CDH20: variants seen among roughly 807,000 people sequenced by gnomAD.
The protein encoded by CDH20 is cadherin-20.
Under a neutral mutation model 74.2 loss-of-function variants are expected in CDH20, and 29 were observed. That is an observed-to-expected ratio of 0.39 (90% confidence interval 0.29 to 0.53). CDH20 has a LOEUF of 0.53. CDH20 is among the 20% of genes least tolerant of loss of function. The pLI, the probability that CDH20 is intolerant of heterozygous loss-of-function variation, is 0.69. For missense variants in CDH20, 988 were observed against 1,048.3 expected (o/e 0.94, Z 0.79); for synonymous variants, 469 against 405.4 (o/e 1.16, Z -1.88).
chr18:61,376,487 C>G (rs1193594194), intron 1 of CDH20, among the ~76,000 whole-genome samples: 1 of 152,060 alleles, frequency 6.6e-6, no homozygotes, highest in Non-Finnish European at 1.5e-5. Context: ...CTTTTGAAAA[C>G]TGAAGTTTTC....
intron 1 of CDH20, among the ~76,000 whole-genome samples, chr18:61,357,077 C>T (rs537997463): frequency 5.1e-4 from 78 of 152,198 alleles, no homozygotes; most frequent in Non-Finnish European, 9.6e-4. Context: ...GGGACAACAA[C>T]TGTCTCTTGC....
intron 1 of CDH20, among the ~76,000 whole-genome samples, chr18:61,335,613 C>A (rs2144077397): frequency 6.6e-6 from 1 of 152,346 alleles, no homozygotes; most frequent in African/African-American, 2.4e-5. Context: ...TTGGCGTGAC[C>A]TTTCTTTTCA....
chr18:61,540,452 C>A (rs1354546253), intron 9 of CDH20, among the ~76,000 whole-genome samples: 3 of 152,096 alleles, frequency 2.0e-5, no homozygotes, highest in Admixed American at 2.0e-4. Flanking sequence ...GCTGGGGAGG[C>A]CTCACAATCA....
Position 61,494,450 on chromosome 18 carries a change from A to C in CDH20, c.246+3651A>C, listed in dbSNP as rs140340898. Among the ~76,000 whole-genome samples, 609 of 152,306 alleles carry C rather than the reference A, an allele frequency of 4.0e-3. 4 individuals carry two copies. Among genetic ancestry groups the C allele is most frequent in the Non-Finnish European group, 5.8e-3 (397 of 68,020 alleles). On this transcript the variant is annotated intron_variant, in intron 2 of 11. Transcript: ENST00000262717. ...TCAACAGTCATCTGATCCAATCCTC[A>C]TACCAGCAACCAAGCGAAGATTTTT...
At chr18:61,468,777 G>A (rs1456861262) in intron 1 of CDH20, among the ~76,000 whole-genome samples, 1 of 152,236 alleles carries the variant, frequency 6.6e-6, no homozygotes, top group Non-Finnish European at 1.5e-5. Flanking sequence ...ACTATGGATT[G>A]TGGGTGATGC....
intron 1 of CDH20, among the ~76,000 whole-genome samples, chr18:61,386,880 A>G (rs1911618337): frequency 6.6e-6 from 1 of 152,210 alleles, no homozygotes; most frequent in Admixed American, 6.5e-5. Flanking sequence ...ATTGAAAGTA[A>G]AATATATGAA....
At chr18:61,502,024 AG>A (rs1911401728) in intron 4 of CDH20, among the ~76,000 whole-genome samples, 1 of 152,210 alleles carries the variant, frequency 6.6e-6, no homozygotes, top group African/African-American at 2.4e-5. Context: ...TATACATTAT[AG>A]GGGTAAACTG....
chr18:61,475,607 A>C (rs1010997052), intron 1 of CDH20, among the ~76,000 whole-genome samples: 1 of 152,180 alleles, frequency 6.6e-6, no homozygotes, highest in African/African-American at 2.4e-5. Context: ...GAAAAATCTC[A>C]ATGCTTAGTG....
At chr18:61,369,072 G>A (rs1056639697) in intron 1 of CDH20, among the ~76,000 whole-genome samples, 2 of 151,994 alleles carry the variant, frequency 1.3e-5, no homozygotes, top group Non-Finnish European at 2.9e-5. Context: ...TGGGATTTGG[G>A]TTCAAACAAA....
intron 1 of CDH20, among the ~76,000 whole-genome samples, chr18:61,358,131 T>TC: frequency 6.6e-6 from 1 of 151,424 alleles, no homozygotes; most frequent in East Asian, 1.9e-4. Flanking sequence ...TTTTTTTTTT[T>TC]CGAGATGGAG....
intron 1 of CDH20, among the ~76,000 whole-genome samples, chr18:61,396,297 C>A (rs1355124814): frequency 6.6e-6 from 1 of 152,128 alleles, no homozygotes; most frequent in African/African-American, 2.4e-5. Flanking sequence ...CCATAAAAAT[C>A]ATTTTCCAAA....
In CDH20 at chr18:61,555,382, G is replaced by C. The variant is rs3737404; in HGVS notation, c.*687G>C. On this transcript the variant is annotated 3_prime_UTR_variant, in exon 12 of 12. Coordinates refer to ENST00000262717, the MANE Select transcript of CDH20 (RefSeq NM_031891.4). ...ATTACAGCTCATCCAACGCCATCAAGTTAGAGTGCTCGTGTCTCCTCTCAG... is the reference window on the plus strand; with the variant it reads ...ATTACAGCTCATCCAACGCCATCAACTTAGAGTGCTCGTGTCTCCTCTCAG... The C allele has an allele frequency of 0.09, 88,715 of 985,304 alleles. 5,438 individuals carry two copies. Among genetic ancestry groups the C allele is most frequent in the East Asian group, 0.51 (4,508 of 8,772 alleles). The allele number at this position is 985,304 out of a possible 1,614,324, so 61.0% of individuals were successfully genotyped here. A position where few individuals can be genotyped will look rare whatever the true frequency, so the allele number is the denominator to read the frequency against.
chr18:61,553,133 A>G (rs1328642015), intron 11 of CDH20, among the ~76,000 whole-genome samples: 1 of 152,162 alleles, frequency 6.6e-6, no homozygotes, highest in African/African-American at 2.4e-5. Flanking sequence ...CATTGTTGTG[A>G]GTTTTATTAG....
chr18:61,503,060 A>T lies in CDH20; in HGVS notation c.769A>T (p.Thr257Ser). ...MGGQLGGLAG[T>S]TTVNITLSDV... ...AGGGCAGCTTGGAGGATTAGCTGGG[A>T]CCACAACAGTCAACATCACCCTCTC... Residue 257 changes from threonine (T) to serine (S), a missense_variant, in exon 5 of 12, where the codon ACC becomes TCC. By Grantham distance (58) the Thr-to-Ser change is moderately conservative. Coordinates refer to ENST00000262717, the MANE Select transcript of CDH20 (RefSeq NM_031891.4). 1.2e-6 allele frequency: 2 copies of T among 1,614,004 alleles called. No homozygotes were observed. The highest frequency in any genetic ancestry group is 3.3e-4 in the Middle Eastern group (2 of 6,060).
chr18:61,477,686 T>C (rs1241790095), intron 1 of CDH20, among the ~76,000 whole-genome samples: 3 of 152,146 alleles, frequency 2.0e-5, no homozygotes, highest in Non-Finnish European at 4.4e-5. Flanking sequence ...ATATATATTA[T>C]AATTAGCTCC....
At chr18:61,538,627 T>G (rs1912913612) in intron 8 of CDH20, among the ~76,000 whole-genome samples, 1 of 107,918 alleles carries the variant, frequency 9.3e-6, no homozygotes, top group African/African-American at 3.2e-5. Context: ...TTTGTTTTGT[T>G]TTTTTTTTTG....
intron 1 of CDH20, among the ~76,000 whole-genome samples, chr18:61,460,521 A>G (rs1467718914): frequency 6.6e-6 from 1 of 152,124 alleles, no homozygotes; most frequent in Admixed American, 6.5e-5. Flanking sequence ...GGCAACCACC[A>G]CTACAAAGGC....
chr18:61,545,214 T>C (rs563821139), intron 10 of CDH20, 70 bp downstream of exon 10: 53 of 928,254 alleles, frequency 5.7e-5, no homozygotes, highest in Non-Finnish European at 8.8e-5. Context: ...GTTACTGTCT[T>C]ATGCAAACAG....
chr18:61,357,279 C>A (rs1295566766), intron 1 of CDH20, among the ~76,000 whole-genome samples: 4 of 152,172 alleles, frequency 2.6e-5, no homozygotes, highest in Admixed American at 1.3e-4. Context: ...CAGAATCTGG[C>A]CCTAACCATT....
Sources: gnomAD v4.1 joint callset for allele counts (sites outside exome capture counted in the v4.1 genomes callset) on GRCh38, gnomAD v4.1.1 for gene constraint, MANE v1.5 for transcripts, NCBI Gene and HGNC (gene_info 2026-07-23, HGNC 2026-07-21) for gene names.